The following BBS9 variants were observed in gnomAD, a reference collection of about 807,000 sequenced individuals.
BBS9 encodes the protein protein PTHB1.
In BBS9, 89 loss-of-function variants were observed where a neutral mutation model predicts 117.7. That is an observed-to-expected ratio of 0.76 (90% CI 0.64 to 0.90). The LOEUF (loss-of-function observed/expected upper bound fraction) is 0.90, where lower values mean the gene tolerates loss of function less well. BBS9 is among the 40% of genes least tolerant of loss of function. BBS9 has a pLI of 0.00. For missense variants in BBS9, 982 were observed against 1,042.2 expected, an observed-to-expected ratio of 0.94 and a Z score of 0.80; for synonymous variants, 379 against 370.9, an observed-to-expected ratio of 1.02 and a Z score of -0.25.
At chr7:33,516,487 CAAAAAAAAAA>C (rs61006845) in intron 20 of BBS9, among the ~76,000 whole-genome samples, 6 of 51,520 alleles carry the variant, frequency 1.2e-4, no homozygotes, top group African/African-American at 1.5e-4. Flanking sequence ...ATTTCATCTC[CAAAAAAAAAA>C]AAAAAAAAAA....
At chr7:33,290,072 G>C (rs1240241802) in intron 9 of BBS9, among the ~76,000 whole-genome samples, 1 of 151,856 alleles carries the variant, frequency 6.6e-6, no homozygotes, top group Non-Finnish European at 1.5e-5. Context: ...TTTTTAGAAG[G>C]AAATTACTTT....
intron 21 of BBS9, among the ~76,000 whole-genome samples, chr7:33,615,393 T>G (rs1301412407): frequency 1.3e-5 from 2 of 151,396 alleles, no homozygotes; most frequent in African/African-American, 4.9e-5. Context: ...GTAAACAGAG[T>G]GATGAAAATT....
intron 20 of BBS9, among the ~76,000 whole-genome samples, chr7:33,511,160 C>T (rs1387600282): frequency 6.6e-6 from 1 of 152,080 alleles, no homozygotes; most frequent in Non-Finnish European, 1.5e-5. Flanking sequence ...CTTTTGAATA[C>T]AGCATTCTAG....
chr7:33,428,537 C>G (rs1054916072), intron 19 of BBS9, among the ~76,000 whole-genome samples: 1 of 152,120 alleles, frequency 6.6e-6, no homozygotes, highest in African/African-American at 2.4e-5. Flanking sequence ...ATTCTTTTCT[C>G]TCTTCCTCCA....
intron 21 of BBS9, among the ~76,000 whole-genome samples, chr7:33,616,328 A>T (rs914252085): frequency 1.3e-5 from 2 of 150,888 alleles, no homozygotes; most frequent in African/African-American, 4.8e-5. Context: ...AAGAATTAGG[A>T]TTATTTTGTT....
chr7:33,403,298 T>C (rs1829269126), intron 19 of BBS9, among the ~76,000 whole-genome samples: 1 of 150,170 alleles, frequency 6.7e-6, no homozygotes, highest in Non-Finnish European at 1.5e-5. Context: ...TTTTTTTGAG[T>C]TTTACTTTAT....
At chr7:33,402,503 C>A (rs1829077028) in intron 19 of BBS9, among the ~76,000 whole-genome samples, 1 of 152,134 alleles carries the variant, frequency 6.6e-6, no homozygotes, top group South Asian at 2.1e-4. Flanking sequence ...TCCAGTTACA[C>A]CTAATCCTCA....
Position 33,471,024 on chromosome 7 carries a change from C to G in BBS9, c.2116-34439C>G, listed in dbSNP as rs1213595212. ...TCCTGCGGATTATTCATTAACCAGTCTTCAATGTGACATCTTCACATGTGG... is the reference window on the plus strand; with the variant it reads ...TCCTGCGGATTATTCATTAACCAGTGTTCAATGTGACATCTTCACATGTGG... On this transcript the variant is annotated intron_variant, in intron 19 of 22. Coordinates refer to ENST00000242067, the MANE Select transcript of BBS9 (RefSeq NM_198428.3). Among the ~76,000 whole-genome samples the G allele has an allele frequency of 2.6e-5, 4 of 152,188 alleles. No homozygotes were observed. The East Asian group carries it at 7.7e-4, about 29-fold the overall frequency.
At chr7:33,177,263 T>C (rs76037216) in intron 4 of BBS9, among the ~76,000 whole-genome samples, 2,073 of 152,258 alleles carry the variant, frequency 0.014, 58 homozygotes, top group African/African-American at 0.048. Context: ...GGGTAATATT[T>C]TGTCTAATGG....
chr7:33,616,608 G>C (rs1384347155), intron 21 of BBS9, among the ~76,000 whole-genome samples: 1 of 150,712 alleles, frequency 6.6e-6, no homozygotes, highest in Non-Finnish European at 1.5e-5. Context: ...AAAAAAATGG[G>C]GGGTGGGCAA....
chr7:33,199,781 G>A lies in BBS9; in HGVS notation c.442+22190G>A, dbSNP rs138071480. Among the ~76,000 whole-genome samples, 418 of 151,714 alleles carry A rather than the reference G, an allele frequency of 2.8e-3. 1 individual carries two copies. Among genetic ancestry groups the A allele is most frequent in the African/African-American group, 9.8e-3 (405 of 41,402 alleles). The stretch of plus-strand genomic sequence containing the variant: ...AATAAGGATGAAGTTTTTAGGCAAC[G>A]AGATCTTAGAAGGAGAGGGATGTTA... On this transcript the variant is annotated intron_variant, in intron 5 of 22. Transcript: ENST00000242067.
chr7:33,493,399 T>TCA (rs1262462824), intron 19 of BBS9, among the ~76,000 whole-genome samples: 1 of 152,150 alleles, frequency 6.6e-6, no homozygotes, highest in African/African-American at 2.4e-5. Flanking sequence ...GCCAATTTAG[T>TCA]CACACACAAA....
intron 21 of BBS9, among the ~76,000 whole-genome samples, chr7:33,569,674 A>G (rs1360803309): frequency 6.6e-6 from 1 of 152,066 alleles, no homozygotes; most frequent in Non-Finnish European, 1.5e-5. Context: ...AGGCAGGAGA[A>G]TGGCGTGAAC....
At chr7:33,189,800 C>A (rs1246870792) in intron 5 of BBS9, among the ~76,000 whole-genome samples, 1 of 150,504 alleles carries the variant, frequency 6.6e-6, no homozygotes. Flanking sequence ...GCAGGAGAAT[C>A]GCTTGAACCC....
chr7:33,531,863 G>A (rs1459420063), intron 20 of BBS9, among the ~76,000 whole-genome samples: 1 of 152,242 alleles, frequency 6.6e-6, no homozygotes, highest in Non-Finnish European at 1.5e-5. Context: ...GGTTGCCGTT[G>A]TATAAATGAT....
At chr7:33,528,870 G>T (rs540731655) in intron 20 of BBS9, among the ~76,000 whole-genome samples, 1 of 152,142 alleles carries the variant, frequency 6.6e-6, no homozygotes, top group Non-Finnish European at 1.5e-5. Flanking sequence ...TTTGTGCTTT[G>T]GTTACTTTGG....
intron 9 of BBS9, among the ~76,000 whole-genome samples, chr7:33,288,281 T>C (rs1210532281): frequency 1.3e-5 from 2 of 152,198 alleles, no homozygotes; most frequent in African/African-American, 4.8e-5. Context: ...TTTTGCTTAT[T>C]AAACTTTTGC....
chr7:33,161,883 AT>A (rs1447608244), intron 4 of BBS9, among the ~76,000 whole-genome samples: 3 of 152,018 alleles, frequency 2.0e-5, no homozygotes, highest in Non-Finnish European at 4.4e-5. Flanking sequence ...GATGATGAGC[AT>A]TTTTTCATGT....
intron 9 of BBS9, among the ~76,000 whole-genome samples, chr7:33,304,478 A>G (rs10233296): frequency 0.83 from 124,174 of 149,164 alleles, 51,351 homozygotes; most frequent in Admixed American, 0.86. Context: ...CATCTGGGAA[A>G]TGAGGAGCGC....
Sources: gnomAD v4.1 joint callset for allele counts (sites outside exome capture counted in the v4.1 genomes callset) on GRCh38, gnomAD v4.1.1 for gene constraint, MANE v1.5 for transcripts, NCBI Gene and HGNC (gene_info 2026-07-23, HGNC 2026-07-21) for gene names.